CDH12: variants seen among roughly 807,000 people sequenced by gnomAD.
CDH12 encodes the protein cadherin-12.
CDH12 carries 41 observed loss-of-function variants against 74.1 expected under a neutral mutation model. That is an observed-to-expected ratio of 0.55 (90% CI 0.43 to 0.72). The LOEUF (loss-of-function observed/expected upper bound fraction) is 0.72, where lower values mean the gene tolerates loss of function less well. Ranked by LOEUF, CDH12 falls within the 30% of genes least tolerant of loss-of-function variation. CDH12 has a pLI of 0.00. For missense variants in CDH12, 945 were observed against 977.2 expected (o/e 0.97, Z 0.44); for synonymous variants, 399 against 355.0 (o/e 1.12, Z -1.39).
chr5:22,827,966 A>T (rs1206294654), intron 1 of CDH12, among the ~76,000 whole-genome samples: 2 of 152,142 alleles, frequency 1.3e-5, no homozygotes, highest in African/African-American at 4.8e-5. Context: ...ACTTAATAAA[A>T]ATTATTTAAA....
At chr5:22,788,545 A>G (rs1469650672) in intron 1 of CDH12, among the ~76,000 whole-genome samples, 1 of 148,578 alleles carries the variant, frequency 6.7e-6, no homozygotes, top group East Asian at 1.9e-4. Context: ...ATATATAAAT[A>G]TATGTGGCAT....
intron 6 of CDH12, chr5:21,889,562 C>T (rs988283547): frequency 3.0e-6 from 3 of 984,666 alleles, no homozygotes; most frequent in East Asian, 2.3e-4. Context: ...TTTACAGAAG[C>T]AAAGTGAAAC....
At position 22,177,975 on chromosome 5, in the gene CDH12, A is replaced by G. The variant is rs192130468; in HGVS notation, c.-187+34523T>C. Among the ~76,000 whole-genome samples the G allele has an allele frequency of 6.6e-5, 10 of 152,336 alleles. No individual in the cohort carries two copies. In the East Asian group the frequency reaches 1.9e-3, roughly 29 times the overall value. On this transcript the variant is annotated intron_variant, in intron 4 of 14. Transcript: ENST00000382254. ...AATTGTGAAAAACAGACAATAGTAA[A>G]TGAAGATATCACTACTGATGGTGAA...
At chr5:22,687,640 C>G (rs1370191508) in intron 1 of CDH12, among the ~76,000 whole-genome samples, 1 of 152,128 alleles carries the variant, frequency 6.6e-6, no homozygotes, top group Non-Finnish European at 1.5e-5. Flanking sequence ...GTCTTGAGCT[C>G]CTGAGCTCAA....
At chr5:22,795,754 T>G (rs1436305713) in intron 1 of CDH12, among the ~76,000 whole-genome samples, 1 of 151,554 alleles carries the variant, frequency 6.6e-6, no homozygotes, top group Non-Finnish European at 1.5e-5. Context: ...GAGATCAACA[T>G]TTTTAGATTC....
At chr5:22,272,822 A>G (rs1302110438) in intron 3 of CDH12, among the ~76,000 whole-genome samples, 2 of 152,184 alleles carry the variant, frequency 1.3e-5, no homozygotes, top group Non-Finnish European at 2.9e-5. Flanking sequence ...TGCTATGAAG[A>G]AATACTCAAG....
intron 3 of CDH12, among the ~76,000 whole-genome samples, chr5:22,263,069 CAA>C (rs1045076060): frequency 2.0e-5 from 3 of 151,382 alleles, no homozygotes; most frequent in Non-Finnish European, 4.4e-5. Flanking sequence ...TTTATGCAGC[CAA>C]AAAATACATG....
rs1229441975 is a variant in CDH12 at position 22,520,766 on chromosome 5, T to TTTGTATATAAC, written c.-522-15413_-522-15403dup. 1.2e-4 allele frequency among the ~76,000 whole-genome samples: 19 copies of TTTGTATATAAC among 152,266 alleles called. No homozygotes were observed. In the East Asian group the frequency reaches 3.1e-3, roughly 25 times the overall value. Reference sequence around the variant, plus strand: ...GTGTTTTAGAAATTCAATATAGTTATTTGTATATAACTACAAGTGTGACTA... The same window carrying TTTGTATATAAC: ...GTGTTTTAGAAATTCAATATAGTTATTTGTATATAACTTGTATATAACTACAAGTGTGACTA... On this transcript the variant is annotated intron_variant, in intron 1 of 14. Coordinates refer to ENST00000382254, the MANE Select transcript of CDH12 (RefSeq NM_004061.5).
chr5:22,236,680 G>C (rs1752571328), intron 3 of CDH12, among the ~76,000 whole-genome samples: 1 of 152,190 alleles, frequency 6.6e-6, no homozygotes, highest in South Asian at 2.1e-4. Context: ...CCGCGAGGCA[G>C]AGGTTGCAGT....
At chr5:22,832,651 T>C (rs1047146504) in intron 1 of CDH12, among the ~76,000 whole-genome samples, 3 of 152,152 alleles carry the variant, frequency 2.0e-5, no homozygotes, top group Admixed American at 2.0e-4. Context: ...AACACAGATA[T>C]TCTAAATATA....
At chr5:21,876,045 G>A (rs1480807960) in intron 6 of CDH12, among the ~76,000 whole-genome samples, 7 of 151,964 alleles carry the variant, frequency 4.6e-5, no homozygotes, top group South Asian at 2.1e-4. Flanking sequence ...ACAGGTGCAC[G>A]CCACCATGCC....
At chr5:22,407,367 C>T (rs888781099) in intron 2 of CDH12, among the ~76,000 whole-genome samples, 1 of 152,046 alleles carries the variant, frequency 6.6e-6, no homozygotes, top group Non-Finnish European at 1.5e-5. Context: ...ATTACCAAAT[C>T]CCATCTTCAA....
intron 1 of CDH12, among the ~76,000 whole-genome samples, chr5:22,534,546 C>A (rs1161184913): frequency 6.6e-6 from 1 of 152,132 alleles, no homozygotes; most frequent in East Asian, 1.9e-4. Context: ...CCACAAGCAG[C>A]CTCTCTGCTT....
chr5:22,686,767 A>G (rs1312185076), intron 1 of CDH12, among the ~76,000 whole-genome samples: 1 of 152,202 alleles, frequency 6.6e-6, no homozygotes, highest in African/African-American at 2.4e-5. Context: ...TAAAATGTCT[A>G]ACATTGTTTT....
At position 22,187,460 on chromosome 5, in the gene CDH12, A is replaced by G. The variant is rs1750022219; in HGVS notation, c.-187+25038T>C. 3.3e-5 allele frequency among the ~76,000 whole-genome samples: 5 copies of G among 151,902 alleles called. No individual in the cohort carries two copies. In the South Asian group the frequency reaches 1.0e-3, roughly 32 times the overall value. On this transcript the variant is annotated intron_variant, in intron 4 of 14. Transcript: ENST00000382254. ...GCCTCTCATATTTCTTGGCATCACC[A>G]TAACTGTGGCCATTTAATCAAGATT...
chr5:22,698,138 T>TTTTTTTTG (rs1742479426), intron 1 of CDH12, among the ~76,000 whole-genome samples: 7 of 143,062 alleles, frequency 4.9e-5, no homozygotes, highest in Admixed American at 7.3e-5. Flanking sequence ...TTTTTTTTTT[T>TTTTTTTTG]GAGATGGAGT....
chr5:22,091,132 A>G (rs1743396435), intron 4 of CDH12, among the ~76,000 whole-genome samples: 1 of 151,380 alleles, frequency 6.6e-6, no homozygotes, highest in East Asian at 1.9e-4. Flanking sequence ...GGTAGAAAAA[A>G]ATTTGTCTCA....
chr5:21,789,269 TAAGATA>T (rs1379047078), intron 10 of CDH12, among the ~76,000 whole-genome samples: 29 of 152,108 alleles, frequency 1.9e-4, no homozygotes, highest in Non-Finnish European at 3.7e-4. Context: ...CCCCTCCTGG[TAAGATA>T]TTATATCCCT....
rs555331000 is a variant in CDH12 at position 22,527,321 on chromosome 5, T to C, written c.-522-21957A>G. ...ATGTTTGGGAATTGATTGAGAGTCA[T>C]GATTGTGACTCTCCATTTTTATAGT... On this transcript the variant is annotated intron_variant, in intron 1 of 14. Transcript: ENST00000382254. 3.3e-5 allele frequency among the ~76,000 whole-genome samples: 5 copies of C among 152,280 alleles called. No individual in the cohort carries two copies. In the East Asian group the frequency reaches 7.7e-4, roughly 24 times the overall value.
Sources: allele counts gnomAD v4.1 joint callset (sites outside exome capture counted in the v4.1 genomes callset), GRCh38; gene constraint gnomAD v4.1.1; transcripts MANE v1.5; gene names NCBI Gene and HGNC (gene_info 2026-07-23, HGNC 2026-07-21).